HS6ST2: variants seen among roughly 807,000 people sequenced by gnomAD.
HS6ST2 encodes the protein heparan sulfate 6-O-sulfotransferase 2.
In HS6ST2, 17 loss-of-function variants were observed where a neutral mutation model predicts 33.0. The ratio of observed to expected loss-of-function variants is 0.52; its 90% CI spans 0.35 to 0.77. The LOEUF is 0.77. HS6ST2 is among the 30% of genes least tolerant of loss of function. The probability of loss-of-function intolerance (pLI) is 0.01; values close to 1 mark genes in which losing one functional copy is unlikely to be tolerated. For synonymous variants in HS6ST2, 248 were observed against 237.1 expected (o/e 1.05, Z -0.42); for missense variants, 519 against 551.7 (o/e 0.94, Z 0.59).
At chrX:132,731,375 G>C (rs1214213355) in intron 2 of HS6ST2, among the ~76,000 whole-genome samples, 1 of 112,024 alleles carries the variant, frequency 8.9e-6, no homozygotes, top group Non-Finnish European at 1.9e-5. Context: ...AAGAGCCTGA[G>C]GGCCAGAGTG....
chrX:132,708,647 C>T, intron 2 of HS6ST2, 153 bp from the exon 3 acceptor site: 1 of 455,137 alleles, frequency 2.2e-6, no homozygotes, highest in Non-Finnish European at 3.8e-6. Flanking sequence ...CACTTTGTTC[C>T]CCACTGGCTC....
chrX:132,714,648 T>G (rs1280403995), intron 2 of HS6ST2, among the ~76,000 whole-genome samples: 4 of 111,344 alleles, frequency 3.6e-5, no homozygotes. Context: ...ATAATGAATT[T>G]GACTCAATCA....
chrX:132,627,340 A>T lies in HS6ST2; in HGVS notation c.*883T>A, dbSNP rs1475941283. The stretch of plus-strand genomic sequence containing the variant: ...ATAACTTCAGCAACACACCATTTAG[A>T]TGATGAAGAAAGATTCTATACATGG... On this transcript the variant is annotated 3_prime_UTR_variant, in exon 5 of 5. Transcript: ENST00000370833. The T allele has an allele frequency of 8.9e-6, 1 of 112,440 alleles. No individual in the cohort carries two copies. The highest frequency in any genetic ancestry group is 3.2e-5 in the African/African-American group (1 of 30,861). The allele number at this position is 112,440 out of a possible 1,213,427, so 9.3% of individuals were successfully genotyped here.
intron 2 of HS6ST2, among the ~76,000 whole-genome samples, chrX:132,755,483 T>C (rs148446345): frequency 1.1e-5 from 1 of 94,386 alleles, no homozygotes; most frequent in Non-Finnish European, 2.1e-5. Flanking sequence ...TCTACTTGAA[T>C]AAATGATATT....
chrX:132,806,164 A>C (rs1049132033), intron 2 of HS6ST2, among the ~76,000 whole-genome samples: 2 of 110,247 alleles, frequency 1.8e-5, no homozygotes, highest in African/African-American at 6.5e-5. Context: ...ACTAACATCC[A>C]TTCTCTCCTC....
chrX:132,778,596 G>A (rs1265874385), intron 2 of HS6ST2, among the ~76,000 whole-genome samples: 1 of 109,210 alleles, frequency 9.2e-6, no homozygotes, highest in African/African-American at 3.4e-5. Context: ...AGTAGAGATG[G>A]GGTTTCACCA....
rs1244924972 is a variant in HS6ST2, at chrX:132,628,066, C to G, written c.*157G>C. The G allele has an allele frequency of 2.3e-6, 1 of 438,953 alleles. No homozygotes were observed. Among genetic ancestry groups the G allele is most frequent in the African/African-American group, 2.5e-5 (1 of 40,537 alleles). 36.2% of individuals were successfully genotyped at this position (438,953 alleles called of 1,213,427 possible). ...TGTTTTACCTACACACAGTATAACA[C>G]TGAATTGAAAGGCAACTGTAAAGGC... On this transcript the variant is annotated 3_prime_UTR_variant, in exon 5 of 5. Coordinates refer to ENST00000370833, the MANE Select transcript of HS6ST2 (RefSeq NM_001394073.1).
rs146410813 is a variant in HS6ST2, at chrX:132,878,360, G to A, written c.947+78448C>T. 4.6e-3 allele frequency among the ~76,000 whole-genome samples: 515 copies of A among 112,029 alleles called. 5 individuals carry two copies. Among genetic ancestry groups the A allele is most frequent in the African/African-American group, 0.015 (471 of 30,879 alleles). ...TGGGCCTCCAGTATGCTGTGGGCAT[G>A]CCCAGGCAAGCCCCCTGTGCAGGTT... On this transcript the variant is annotated intron_variant, in intron 2 of 4. Transcript: ENST00000370833.
chrX:132,815,988 T>C (rs2065391084), intron 2 of HS6ST2, among the ~76,000 whole-genome samples: 1 of 111,923 alleles, frequency 8.9e-6, no homozygotes, highest in South Asian at 3.8e-4. Context: ...GTGAATTATA[T>C]GGTGTATTTA....
At chrX:132,870,662 G>T (rs764790036) in intron 2 of HS6ST2, among the ~76,000 whole-genome samples, 6 of 111,657 alleles carry the variant, frequency 5.4e-5, no homozygotes, top group Non-Finnish European at 9.4e-5. Context: ...AACAAGCAAT[G>T]GGGAAAGGAT....
At chrX:132,900,066 G>A (rs898277027) in intron 2 of HS6ST2, among the ~76,000 whole-genome samples, 14 of 111,762 alleles carry the variant, frequency 1.3e-4, no homozygotes, top group Non-Finnish European at 1.7e-4. Flanking sequence ...ACAGAGAAAC[G>A]CTATTGATTT....
intron 4 of HS6ST2, among the ~76,000 whole-genome samples, chrX:132,650,779 TTG>T (rs2063685729): frequency 2.2e-5 from 2 of 91,227 alleles, no homozygotes; most frequent in African/African-American, 5.3e-5. Context: ...CTCTTCTTTT[TTG>T]TTTTGTTTTA....
At chrX:132,738,301 T>C (rs922138831) in intron 2 of HS6ST2, among the ~76,000 whole-genome samples, 6 of 112,531 alleles carry the variant, frequency 5.3e-5, no homozygotes, top group Non-Finnish European at 9.4e-5. Context: ...AACTCACAGA[T>C]AGCATCCCAA....
chrX:132,932,828 T>C (rs774598289), intron 2 of HS6ST2, among the ~76,000 whole-genome samples: 3 of 106,388 alleles, frequency 2.8e-5, no homozygotes, highest in African/African-American at 1.0e-4. Flanking sequence ...ATATAATATA[T>C]AATATTTTTC....
rs1387794052 is a variant in HS6ST2, at chrX:132,663,787, T to G, written c.1067+5326A>C. Among the ~76,000 whole-genome samples, 3 of 111,964 alleles carry G rather than the reference T, an allele frequency of 2.7e-5. 1 individual carries two copies. The Admixed American group carries it at 2.8e-4, about 11-fold the overall frequency. On this transcript the variant is annotated intron_variant, in intron 4 of 4. Coordinates refer to ENST00000370833, the MANE Select transcript of HS6ST2 (RefSeq NM_001394073.1). ...CACATACTTTCATACACACACATAC[T>G]TTCATACACACACAGTGGCAAAATT...
In HS6ST2 at chrX:132,727,279, TATTC is replaced by T. The variant is rs34209607; in HGVS notation, c.948-18789_948-18786del. ...GATGAATAAAGAGGAGTCACAAACATATTCATTCATTCATTCAGCAAACATCTAT... is the reference window on the plus strand; with the variant it reads ...GATGAATAAAGAGGAGTCACAAACATATTCATTCATTCAGCAAACATCTAT... On this transcript the variant is annotated intron_variant, in intron 2 of 4. Coordinates refer to ENST00000370833, the MANE Select transcript of HS6ST2 (RefSeq NM_001394073.1). 9.3e-5 allele frequency among the ~76,000 whole-genome samples: 10 copies of T among 107,763 alleles called. No individual in the cohort carries two copies. The East Asian group carries it at 2.3e-3, about 25-fold the overall frequency. The allele number at this position is 107,763 out of a possible 115,157, so 93.6% of individuals were successfully genotyped here.
chrX:132,792,562 T>A (rs2148344189), intron 2 of HS6ST2, among the ~76,000 whole-genome samples: 1 of 112,258 alleles, frequency 8.9e-6, no homozygotes, highest in Non-Finnish European at 1.9e-5. Flanking sequence ...AGGTTTTTAG[T>A]ATATTATCAG....
intron 2 of HS6ST2, among the ~76,000 whole-genome samples, chrX:132,733,425 G>A (rs2064477602): frequency 9.1e-6 from 1 of 109,861 alleles, no homozygotes; most frequent in Non-Finnish European, 1.9e-5. Flanking sequence ...TTCTGGACAT[G>A]GCTTAAGTCT....
intron 2 of HS6ST2, among the ~76,000 whole-genome samples, chrX:132,817,571 G>C (rs1258362496): frequency 1.8e-5 from 2 of 111,808 alleles, no homozygotes. Flanking sequence ...CAAGACTTAC[G>C]GAGTCACACC....
Sources: allele counts gnomAD v4.1 joint callset (sites outside exome capture counted in the v4.1 genomes callset), GRCh38; gene constraint gnomAD v4.1.1; transcripts MANE v1.5; gene names NCBI Gene and HGNC (gene_info 2026-07-23, HGNC 2026-07-21).